Variants in TXNL4A observed in about 807,000 individuals in gnomAD.
The protein encoded by TXNL4A is thioredoxin like 4A, also known as thioredoxin-like protein 4A.
Under a neutral mutation model 14.6 loss-of-function variants are expected in TXNL4A, and 17 were observed. That is an observed-to-expected ratio of 1.16 (90% CI 0.80 to 1.74). The LOEUF (loss-of-function observed/expected upper bound fraction) is 1.74. TXNL4A is among the 40% of genes most tolerant of loss of function. TXNL4A has a pLI of 0.00. For missense variants in TXNL4A, 74 were observed against 195.2 expected, an observed-to-expected ratio of 0.38 and a Z score of 3.70; for synonymous variants, 83 against 70.6, an observed-to-expected ratio of 1.18 and a Z score of -0.88.
intron 1 of TXNL4A, chr18:79,986,480 C>T (rs955437687): frequency 2.5e-6 from 2 of 816,082 alleles, no homozygotes; most frequent in African/African-American, 3.7e-5. Context: ...TTCAACTGTC[C>T]TTAAGTGTGT....
At chr18:80,003,980 G>A (rs540320975) in intron 1 of TXNL4A, among the ~76,000 whole-genome samples, 93 of 152,198 alleles carry the variant, frequency 6.1e-4, no homozygotes, top group African/African-American at 2.0e-3. Context: ...TGACACATGG[G>A]GATTACAATT....
At chr18:80,024,490 G>A (rs115632160) in intron 1 of TXNL4A, among the ~76,000 whole-genome samples, 365 of 152,198 alleles carry the variant, frequency 2.4e-3, no homozygotes, top group African/African-American at 8.6e-3. Flanking sequence ...GTGTGTGTAT[G>A]TGTATATGTT....
chr18:79,999,958 C>T (rs1178795055), intron 1 of TXNL4A, among the ~76,000 whole-genome samples: 1 of 152,224 alleles, frequency 6.6e-6, no homozygotes, highest in East Asian at 1.9e-4. Context: ...GTAAGATATG[C>T]CTTTCCCCTT....
chr18:80,018,287 C>G (rs1481684193), intron 1 of TXNL4A, among the ~76,000 whole-genome samples: 1 of 152,060 alleles, frequency 6.6e-6, no homozygotes, highest in Non-Finnish European at 1.5e-5. Context: ...TTGAAACCAA[C>G]GAGAACAAAG....
chr18:80,011,139 T>C lies in TXNL4A; in HGVS notation c.-61+22712A>G, dbSNP rs1475740755. ...TCGGGAAAGGAAACAATTTGGGTTATATCATTGAGTATGCAAAGGCCAAAC... is the reference window on the plus strand; with the variant it reads ...TCGGGAAAGGAAACAATTTGGGTTACATCATTGAGTATGCAAAGGCCAAAC... On this transcript the variant is annotated intron_variant, in intron 1 of 2. Transcript: ENST00000585474. The surrounding 1 kb of genome is among the most constrained non-coding windows in gnomAD (Gnocchi z 4.1). Among the ~76,000 whole-genome samples the C allele has an allele frequency of 6.6e-6, 1 of 152,150 alleles. No homozygotes were observed. The highest frequency in any genetic ancestry group is 1.5e-5 in the Non-Finnish European group (1 of 68,020).
At chr18:80,001,717 C>T (rs11661780) in intron 1 of TXNL4A, among the ~76,000 whole-genome samples, 37,473 of 152,098 alleles carry the variant, frequency 0.25, 5,885 homozygotes, top group Non-Finnish European at 0.36. Context: ...TTAGTCCCTT[C>T]GTTTTGGCTA....
At chr18:79,980,577 A>C (rs936009303) in intron 1 of TXNL4A, among the ~76,000 whole-genome samples, 2 of 152,176 alleles carry the variant, frequency 1.3e-5, no homozygotes, top group African/African-American at 2.4e-5. Flanking sequence ...TTAAAAATTA[A>C]GATGGAAATG....
At position 79,972,369 on chromosome 18, in the gene TXNL4A, C is replaced by G. The variant is rs1250754081; in HGVS notation, c.*1316G>C. ...GCCCTTCCTCACTTTCACTTCAGAG[C>G]TCGAGTGTGCTGAGACGGGACACGA... On this transcript the variant is annotated 3_prime_UTR_variant, in exon 3 of 3. Coordinates refer to ENST00000269601, the MANE Select transcript of TXNL4A (RefSeq NM_006701.5). 6.6e-6 allele frequency: 1 copy of G among 152,404 alleles called. No homozygotes were observed. The highest frequency in any genetic ancestry group is 1.5e-5 in the Non-Finnish European group (1 of 68,166). The allele number at this position is 152,404 out of a possible 1,614,324, so 9.4% of individuals were successfully genotyped here.
chr18:80,022,765 G>T (rs1179071742), intron 1 of TXNL4A, among the ~76,000 whole-genome samples: 6 of 152,164 alleles, frequency 3.9e-5, no homozygotes, highest in African/African-American at 1.4e-4. Flanking sequence ...TTGCCCTTTT[G>T]CCCTTCTCCT....
chr18:80,021,143 G>A (rs1486897018), intron 1 of TXNL4A, among the ~76,000 whole-genome samples: 2 of 151,680 alleles, frequency 1.3e-5, no homozygotes, highest in Admixed American at 6.6e-5. Context: ...CCCTGAGGCA[G>A]CACTGTACAG....
At chr18:79,991,529 T>C (rs966011720), upstream of TXNL4A, among the ~76,000 whole-genome samples, 2 of 152,260 alleles carry the variant, frequency 1.3e-5, no homozygotes, top group East Asian at 3.8e-4. Context: ...ATGGATATAC[T>C]ACATTTTATC....
chr18:80,015,586 C>T (rs1388019500), intron 1 of TXNL4A, among the ~76,000 whole-genome samples: 6 of 151,846 alleles, frequency 4.0e-5, no homozygotes, highest in Non-Finnish European at 5.9e-5. Context: ...GGTTTAATTC[C>T]CATCTATAAG....
At chr18:80,024,619 G>A (rs1337480174) in intron 1 of TXNL4A, among the ~76,000 whole-genome samples, 10 of 152,154 alleles carry the variant, frequency 6.6e-5, no homozygotes, top group Admixed American at 5.9e-4. Context: ...GGCATTCTCA[G>A]GCAACTGAGA....
intron 1 of TXNL4A, among the ~76,000 whole-genome samples, chr18:80,018,842 C>T (rs1050929412): frequency 3.3e-5 from 5 of 152,204 alleles, no homozygotes; most frequent in Admixed American, 6.5e-5. Flanking sequence ...TCATCTCTCT[C>T]GAGTTAAAAG....
intron 1 of TXNL4A, among the ~76,000 whole-genome samples, chr18:79,994,108 C>T (rs1022938343): frequency 1.2e-4 from 19 of 152,178 alleles, no homozygotes; most frequent in Non-Finnish European, 2.6e-4. Context: ...CATAAAGTTC[C>T]ACCTTTAGAA....
chr18:79,989,634 C>G (rs1214458823), upstream of TXNL4A, among the ~76,000 whole-genome samples: 4 of 152,216 alleles, frequency 2.6e-5, no homozygotes, highest in Non-Finnish European at 2.9e-5. Flanking sequence ...GGTTTGCAAA[C>G]TGATATTGAT....
intron 1 of TXNL4A, among the ~76,000 whole-genome samples, chr18:80,004,803 C>T (rs1056102490): frequency 8.5e-5 from 13 of 152,104 alleles, no homozygotes; most frequent in Non-Finnish European, 2.9e-5. Flanking sequence ...CAGTGGCTGC[C>T]GGTCCTGAGA....
At chr18:79,991,497 A>G (rs1363529987), upstream of TXNL4A, among the ~76,000 whole-genome samples, 1 of 152,200 alleles carries the variant, frequency 6.6e-6, no homozygotes, top group African/African-American at 2.4e-5. Context: ...ATAAAACAAA[A>G]AATTAGAAAC....
intron 1 of TXNL4A, among the ~76,000 whole-genome samples, chr18:80,018,833 C>T (rs1427013709): frequency 2.0e-5 from 3 of 152,210 alleles, no homozygotes; most frequent in Non-Finnish European, 4.4e-5. Flanking sequence ...TACCCTAAAT[C>T]ATCTCTCTCG....
Sources: allele counts gnomAD v4.1 joint callset (sites outside exome capture counted in the v4.1 genomes callset), GRCh38; gene constraint gnomAD v4.1.1; non-coding constraint Gnocchi (gnomAD v3.1); transcripts MANE v1.5; gene names NCBI Gene and HGNC (gene_info 2026-07-23, HGNC 2026-07-21).